RBFOX3: variants seen among roughly 807,000 people sequenced by gnomAD.
The protein encoded by RBFOX3 is RNA binding fox-1 homolog 3.
A neutral mutation model predicts 48.7 loss-of-function variants in RBFOX3; 17 were observed. The ratio of observed to expected loss-of-function variants is 0.35; its 90% confidence interval spans 0.24 to 0.52. The LOEUF (loss-of-function observed/expected upper bound fraction) is 0.52, where lower values mean the gene tolerates loss of function less well. RBFOX3 is among the 20% of genes least tolerant of loss of function. The pLI is 0.94. For synonymous variants in RBFOX3, 212 were observed against 209.5 expected, an observed-to-expected ratio of 1.01 and a Z score of -0.10; for missense variants, 382 against 497.5, an observed-to-expected ratio of 0.77 and a Z score of 2.21.
chr17:79,162,392 C>T (rs977854508), intron 4 of RBFOX3, among the ~76,000 whole-genome samples: 1 of 152,170 alleles, frequency 6.6e-6, no homozygotes, highest in African/African-American at 2.4e-5. Flanking sequence ...GAGTGGAGTG[C>T]CGCGCCCAGC....
intron 3 of RBFOX3, among the ~76,000 whole-genome samples, chr17:79,289,497 C>T (rs1035746539): frequency 1.3e-5 from 2 of 152,234 alleles, no homozygotes; most frequent in Admixed American, 1.3e-4. Flanking sequence ...AGCTGAGGTC[C>T]CCAGAAATTA....
chr17:79,556,445 T>C (rs1264294284), intron 1 of RBFOX3, among the ~76,000 whole-genome samples: 4 of 152,046 alleles, frequency 2.6e-5, no homozygotes, highest in East Asian at 3.9e-4. Context: ...ACAGGGTTGA[T>C]GGAGGTAGCT....
intron 4 of RBFOX3, among the ~76,000 whole-genome samples, chr17:79,216,393 T>C (rs534539273): frequency 2.0e-5 from 3 of 151,578 alleles, no homozygotes; most frequent in African/African-American, 7.3e-5. Flanking sequence ...AGGGGTCTCC[T>C]GGCTGGGACC....
chr17:79,353,124 C>T (rs1416744083), intron 2 of RBFOX3, among the ~76,000 whole-genome samples: 4 of 152,216 alleles, frequency 2.6e-5, no homozygotes, highest in East Asian at 1.9e-4. Flanking sequence ...TATGAGCCTG[C>T]GTTGGCCTGG....
chr17:79,316,050 A>G (rs1401136406), intron 2 of RBFOX3, among the ~76,000 whole-genome samples: 2 of 152,276 alleles, frequency 1.3e-5, no homozygotes, highest in East Asian at 3.9e-4. Flanking sequence ...TGCTGCTGGC[A>G]CTGGAATCTG....
upstream of RBFOX3, among the ~76,000 whole-genome samples, chr17:79,611,150 C>G (rs2093962297): frequency 2.9e-5 from 1 of 34,014 alleles, no homozygotes; most frequent in African/African-American, 7.2e-5. Context: ...CTCTCTCTCT[C>G]TCTCTCTCTC....
rs1325221123 is a variant in RBFOX3, at chr17:79,481,052, A to T, written c.-175+1402T>A. Among the ~76,000 whole-genome samples, 1 of 152,152 alleles carries T rather than the reference A, an allele frequency of 6.6e-6. No homozygotes were observed. Among genetic ancestry groups the T allele is most frequent in the Non-Finnish European group, 1.5e-5 (1 of 68,020 alleles). ...AAGGAGCCCTGGAGCAGAGAAGAGC[A>T]CCCATGGCCTTCACCAGAGAGAAGC... On this transcript the variant is annotated intron_variant, in intron 2 of 14. Transcript: ENST00000693108. The surrounding 1 kb of genome is among the most constrained non-coding windows in gnomAD (Gnocchi z 5.4).
At chr17:79,170,508 C>T (rs1167760304) in intron 4 of RBFOX3, among the ~76,000 whole-genome samples, 3 of 152,072 alleles carry the variant, frequency 2.0e-5, no homozygotes, top group African/African-American at 7.2e-5. Context: ...TCAGTGCAGG[C>T]TCAAGCATCC....
intron 1 of RBFOX3, among the ~76,000 whole-genome samples, chr17:79,486,267 C>A (rs2079587790): frequency 6.6e-6 from 1 of 152,154 alleles, no homozygotes; most frequent in Admixed American, 6.5e-5. Flanking sequence ...TGGTCGAGGC[C>A]ACAGCCTACC....
chr17:79,271,651 A>T (rs959379799), intron 3 of RBFOX3, among the ~76,000 whole-genome samples: 2 of 152,014 alleles, frequency 1.3e-5, no homozygotes, highest in Non-Finnish European at 2.9e-5. Flanking sequence ...TCTCATTCCA[A>T]CTGAAAGCTC....
At chr17:79,182,093 G>C (rs1288585761) in intron 4 of RBFOX3, among the ~76,000 whole-genome samples, 1 of 152,136 alleles carries the variant, frequency 6.6e-6, no homozygotes, top group Non-Finnish European at 1.5e-5. Context: ...GGCCTGGCCT[G>C]GCCAAGTTCC....
chr17:79,239,323 G>A (rs1000896489), intron 3 of RBFOX3, among the ~76,000 whole-genome samples: 4 of 152,162 alleles, frequency 2.6e-5, no homozygotes, highest in African/African-American at 4.8e-5. Flanking sequence ...CATGAAACAC[G>A]GAGCTGATTC....
intron 2 of RBFOX3, among the ~76,000 whole-genome samples, chr17:79,394,236 T>A (rs1413643746): frequency 6.6e-6 from 1 of 152,052 alleles, no homozygotes; most frequent in Non-Finnish European, 1.5e-5. Flanking sequence ...GGGCCCAGGA[T>A]GGAAAAGCAT....
intron 14 of RBFOX3, chr17:79,092,350 A>C (rs1413252626): frequency 1.0e-6 from 1 of 985,480 alleles, no homozygotes; most frequent in African/African-American, 1.7e-5. Flanking sequence ...TCAAAATAGG[A>C]AATCACGGTT....
At chr17:79,208,440 G>A (rs939201700) in intron 4 of RBFOX3, 1 of 152,334 alleles carries the variant, frequency 6.6e-6, no homozygotes, top group African/African-American at 2.4e-5. Context: ...AGAGAAAAGA[G>A]GCACTTGCCT....
At chr17:79,572,720 ACGTGCGT>A (rs1280998216) in intron 1 of RBFOX3, among the ~76,000 whole-genome samples, 1 of 152,166 alleles carries the variant, frequency 6.6e-6, no homozygotes, top group African/African-American at 2.4e-5. Context: ...CGGTTTGCAA[ACGTGCGT>A]GTTTCCCAAG....
chr17:79,649,302 C>T, the RBFOX3 span, among the ~76,000 whole-genome samples: 1 of 152,226 alleles, frequency 6.6e-6, no homozygotes, highest in Admixed American at 6.5e-5. Flanking sequence ...TCTACTGGGA[C>T]AAGCCAGTGA....
intron 4 of RBFOX3, among the ~76,000 whole-genome samples, chr17:79,158,160 G>A (rs1455882669): frequency 1.3e-5 from 2 of 152,190 alleles, no homozygotes; most frequent in Admixed American, 1.3e-4. Flanking sequence ...ACAGGGCAAC[G>A]ACAGCCATCC....
chr17:79,371,253 G>A (rs1184162482), intron 2 of RBFOX3, among the ~76,000 whole-genome samples: 2 of 152,364 alleles, frequency 1.3e-5, no homozygotes, highest in South Asian at 2.1e-4. Flanking sequence ...GGGCACCTGG[G>A]TTTGGAAGGT....
Sources: allele counts gnomAD v4.1 joint callset (sites outside exome capture counted in the v4.1 genomes callset), GRCh38; gene constraint gnomAD v4.1.1; non-coding constraint Gnocchi (gnomAD v3.1); transcripts MANE v1.5; gene names NCBI Gene and HGNC (gene_info 2026-07-23, HGNC 2026-07-21).